The following GFRA1 variants were observed in gnomAD, a reference collection of about 807,000 sequenced individuals.
The protein encoded by GFRA1 is GDNF family receptor alpha-1.
GFRA1 carries 16 observed loss-of-function variants against 51.6 expected under a neutral mutation model. The ratio of observed to expected loss-of-function variants is 0.31; its 90% CI spans 0.21 to 0.47. GFRA1 has a LOEUF of 0.47. Among genes scored for constraint, GFRA1 ranks in the 20% least tolerant of loss-of-function variants. The pLI is 1.00. For missense variants in GFRA1, 530 were observed against 594.3 expected, an observed-to-expected ratio of 0.89 and a Z score of 1.13; for synonymous variants, 270 against 241.3, an observed-to-expected ratio of 1.12 and a Z score of -1.10.
At chr10:116,193,971 A>C (rs1176274063) in intron 5 of GFRA1, among the ~76,000 whole-genome samples, 1 of 151,506 alleles carries the variant, frequency 6.6e-6, no homozygotes, top group Non-Finnish European at 1.5e-5. Flanking sequence ...CCCGGGAGGC[A>C]GAGCTTGCAG....
chr10:116,194,082 A>AC (rs1963525876), intron 5 of GFRA1, among the ~76,000 whole-genome samples: 1 of 146,896 alleles, frequency 6.8e-6, no homozygotes, highest in African/African-American at 2.5e-5. Context: ...AAAAAAAAAA[A>AC]GGTGGCTCAT....
At chr10:116,115,210 C>T (rs1448336730) in intron 6 of GFRA1, among the ~76,000 whole-genome samples, 2 of 152,152 alleles carry the variant, frequency 1.3e-5, no homozygotes, top group East Asian at 1.9e-4. Context: ...AATGTAAATG[C>T]CAATGTGACT....
chr10:116,196,710 A>G (rs1310683668), intron 5 of GFRA1, among the ~76,000 whole-genome samples: 1 of 104,794 alleles, frequency 9.5e-6, no homozygotes, highest in Admixed American at 1.3e-4. Flanking sequence ...TATATATTAT[A>G]TATAGTACTA....
chr10:116,084,474 C>T (rs571202498), intron 9 of GFRA1, among the ~76,000 whole-genome samples: 6 of 152,130 alleles, frequency 3.9e-5, no homozygotes, highest in African/African-American at 1.4e-4. Context: ...CACAGCTATC[C>T]TCACCTACCC....
chr10:116,162,579 G>C (rs544414787), intron 5 of GFRA1, among the ~76,000 whole-genome samples: 1 of 152,194 alleles, frequency 6.6e-6, no homozygotes, highest in South Asian at 2.1e-4. Flanking sequence ...ACAGGGACGC[G>C]TGTGCACATA....
In GFRA1 at chr10:116,271,039, C is replaced by T. The variant is rs752957654; in HGVS notation, c.117G>A (p.Glu39=). The change falls in exon 3 of 11, where the codon GAG becomes GAA. Residue 39 remains glutamate, a synonymous_variant. Transcript: ENST00000355422. The part of the protein sequence containing the change: ...CVKASDQCLK[E]QSCSTKYRTL... ...TGCGGTACTTGGTGCTGCAGCTCTG[C>T]TCCTTCAGGCACTGATCACTGGCTT... 3.7e-6 allele frequency: 6 copies of T among 1,614,192 alleles called. No homozygotes were observed. The South Asian group carries it at 5.5e-5, about 15-fold the overall frequency.
intron 5 of GFRA1, among the ~76,000 whole-genome samples, chr10:116,206,783 C>T (rs1426788503): frequency 6.6e-6 from 1 of 151,470 alleles, no homozygotes; most frequent in Non-Finnish European, 1.5e-5. Flanking sequence ...CAGGCGCCTG[C>T]CACGACGCCT....
At chr10:116,236,530 G>GA (rs1565670966) in intron 4 of GFRA1, among the ~76,000 whole-genome samples, 1 of 151,894 alleles carries the variant, frequency 6.6e-6, no homozygotes, top group Non-Finnish European at 1.5e-5. Context: ...AACAGACCCA[G>GA]AAAAAAGAGA....
chr10:116,115,041 G>A (rs1200924970), intron 6 of GFRA1, among the ~76,000 whole-genome samples: 1 of 152,026 alleles, frequency 6.6e-6, no homozygotes, highest in African/African-American at 2.4e-5. Context: ...ACTGGGGAAG[G>A]GAAAACAATC....
chr10:116,208,908 T>C (rs994041878), intron 5 of GFRA1, among the ~76,000 whole-genome samples: 2 of 152,196 alleles, frequency 1.3e-5, no homozygotes, highest in African/African-American at 4.8e-5. Context: ...CATTTGAAAT[T>C]GTGAAGAGCA....
intron 4 of GFRA1, among the ~76,000 whole-genome samples, chr10:116,237,058 T>C (rs1178102645): frequency 6.6e-6 from 1 of 152,240 alleles, no homozygotes; most frequent in African/African-American, 2.4e-5. Flanking sequence ...ATGTAATATA[T>C]GTACTATACA....
chr10:116,210,912 A>G (rs983059044), intron 5 of GFRA1, among the ~76,000 whole-genome samples: 3 of 152,162 alleles, frequency 2.0e-5, no homozygotes, highest in African/African-American at 7.2e-5. Flanking sequence ...TAAAAAGCCA[A>G]TTCCCCCTTG....
intron 4 of GFRA1, among the ~76,000 whole-genome samples, chr10:116,216,109 G>A (rs1453741573): frequency 6.6e-6 from 1 of 152,124 alleles, no homozygotes; most frequent in South Asian, 2.1e-4. Flanking sequence ...TTAATGCACT[G>A]AGTCCTCCAG....
intron 5 of GFRA1, among the ~76,000 whole-genome samples, chr10:116,187,359 T>C (rs187590271): frequency 5.3e-5 from 8 of 152,118 alleles, no homozygotes; most frequent in Admixed American, 3.3e-4. Context: ...GCCCCTGATG[T>C]CACCTGCCTG....
At chr10:116,137,614 T>G (rs911101412) in intron 5 of GFRA1, among the ~76,000 whole-genome samples, 27 of 152,210 alleles carry the variant, frequency 1.8e-4, no homozygotes, top group African/African-American at 6.3e-4. Flanking sequence ...AAAAGCTGCA[T>G]GAATAATAAT....
intron 5 of GFRA1, among the ~76,000 whole-genome samples, chr10:116,172,067 A>G (rs1005417702): frequency 6.6e-6 from 1 of 152,096 alleles, no homozygotes; most frequent in Non-Finnish European, 1.5e-5. Flanking sequence ...CACGGTGTTT[A>G]CCCTCAGCCC....
intron 5 of GFRA1, among the ~76,000 whole-genome samples, chr10:116,208,714 C>T (rs1964969951): frequency 1.3e-5 from 2 of 152,186 alleles, no homozygotes; most frequent in Non-Finnish European, 2.9e-5. Context: ...TGCTCAGTTT[C>T]TGTTCGATTT....
chr10:116,068,070 A>C (rs1207097692), intron 9 of GFRA1, among the ~76,000 whole-genome samples: 1 of 152,214 alleles, frequency 6.6e-6, no homozygotes, highest in African/African-American at 2.4e-5. Flanking sequence ...TCCGATTGGC[A>C]TAACTGGAAG....
chr10:116,247,335 C>T (rs924568666), intron 4 of GFRA1, among the ~76,000 whole-genome samples: 1 of 152,216 alleles, frequency 6.6e-6, no homozygotes, highest in Non-Finnish European at 1.5e-5. Context: ...GATGTTACAA[C>T]AAACTTCTTT....
Sources: gnomAD v4.1 joint callset for allele counts (sites outside exome capture counted in the v4.1 genomes callset) on GRCh38, gnomAD v4.1.1 for gene constraint, MANE v1.5 for transcripts, NCBI Gene and HGNC (gene_info 2026-07-23, HGNC 2026-07-21) for gene names.